The following DAPK1 variants were observed in gnomAD, a reference collection of about 807,000 sequenced individuals.
DAPK1 encodes the protein death associated protein kinase 1.
A neutral mutation model predicts 144.9 loss-of-function variants in DAPK1; 56 were observed. The observed-to-expected ratio is 0.39, with a 90% CI of 0.31 to 0.48. DAPK1 has a LOEUF of 0.48. DAPK1 is among the 20% of genes least tolerant of loss of function. DAPK1 has a pLI of 0.95. For synonymous variants in DAPK1, 690 were observed against 749.0 expected (o/e 0.92, Z 1.29); for missense variants, 1,454 against 1,875.4 (o/e 0.78, Z 4.15).
At chr9:87,500,390 G>A (rs183080056) in intron 2 of DAPK1, among the ~76,000 whole-genome samples, 27 of 152,268 alleles carry the variant, frequency 1.8e-4, no homozygotes, top group Middle Eastern at 3.4e-3. Flanking sequence ...GTTTAAGAGT[G>A]TGTGGGTGAA....
At chr9:87,684,321 C>G (rs1824752216) in intron 20 of DAPK1, among the ~76,000 whole-genome samples, 1 of 151,230 alleles carries the variant, frequency 6.6e-6, no homozygotes, top group Admixed American at 6.6e-5. Flanking sequence ...GGGGGCACTG[C>G]TCGTGCCTGG....
intron 4 of DAPK1, among the ~76,000 whole-genome samples, chr9:87,638,826 C>CAAA (rs1829990321): frequency 6.6e-6 from 1 of 152,218 alleles, no homozygotes; most frequent in Admixed American, 6.5e-5. Context: ...AAACAATGTG[C>CAAA]AAAAGCACAC....
intron 11 of DAPK1, among the ~76,000 whole-genome samples, chr9:87,644,316 G>T (rs1261536936): frequency 6.6e-6 from 1 of 152,110 alleles, no homozygotes; most frequent in Non-Finnish European, 1.5e-5. Context: ...AAACAACGGG[G>T]CTTTGTTAAG....
chr9:87,640,749 A>C (rs1379973087), intron 8 of DAPK1, 53 bp from the exon 9 acceptor site: 1 of 1,576,748 alleles, frequency 6.3e-7, no homozygotes, highest in Non-Finnish European at 8.7e-7. Context: ...AAACAACCTT[A>C]GTATTTGCTG....
At chr9:87,551,748 G>T (rs1826493022) in intron 2 of DAPK1, among the ~76,000 whole-genome samples, 1 of 152,188 alleles carries the variant, frequency 6.6e-6, no homozygotes, top group Non-Finnish European at 1.5e-5. Flanking sequence ...TCAGGGAAGT[G>T]CAGGTCCTGA....
chr9:87,675,848 TACACAC>T (rs763359644), intron 19 of DAPK1, among the ~76,000 whole-genome samples: 7,647 of 117,234 alleles, frequency 0.065, 282 homozygotes, highest in Non-Finnish European at 0.087. Flanking sequence ...CATTCTACCC[TACACAC>T]ACACACACAC....
intron 21 of DAPK1, among the ~76,000 whole-genome samples, chr9:87,695,080 G>A (rs1039953710): frequency 2.0e-5 from 3 of 152,116 alleles, no homozygotes; most frequent in Non-Finnish European, 2.9e-5. Context: ...AGAGCTGGCT[G>A]TGGCAGCACA....
chr9:87,679,183 T>C (rs1824511856), intron 19 of DAPK1, among the ~76,000 whole-genome samples: 1 of 152,032 alleles, frequency 6.6e-6, no homozygotes, highest in East Asian at 1.9e-4. Context: ...GGGAATTCCG[T>C]CTGTCCCCGC....
At chr9:87,576,403 G>T (rs1364749628) in intron 2 of DAPK1, among the ~76,000 whole-genome samples, 1 of 152,208 alleles carries the variant, frequency 6.6e-6, no homozygotes, top group East Asian at 1.9e-4. Context: ...GCGCGTGTTT[G>T]CTTCTGGGGA....
chr9:87,579,796 C>T (rs769511139), intron 2 of DAPK1, among the ~76,000 whole-genome samples: 2 of 151,996 alleles, frequency 1.3e-5, no homozygotes, highest in Non-Finnish European at 1.5e-5. Flanking sequence ...ATGTTTTGTC[C>T]CATTCATCCA....
At chr9:87,542,181 T>C (rs1826080631) in intron 2 of DAPK1, among the ~76,000 whole-genome samples, 1 of 152,232 alleles carries the variant, frequency 6.6e-6, no homozygotes, top group Admixed American at 6.5e-5. Context: ...AATCCCAGAT[T>C]AGCAGTGAAA....
At chr9:87,600,355 G>C (rs567702274) in intron 2 of DAPK1, among the ~76,000 whole-genome samples, 3 of 152,350 alleles carry the variant, frequency 2.0e-5, no homozygotes, top group Admixed American at 2.0e-4. Flanking sequence ...GGTGGCCGAG[G>C]TGGGAGGACT....
In DAPK1 at chr9:87,697,047, T is replaced by C. The variant is rs1370235982; in HGVS notation, c.2454T>C (p.Pro818=). ...GCGTGTGGGAGTTCTCTGGAAATCC[T>C]GTGTATTTCTGCTGTTATGACTATT... ...DFSVWEFSGN[P]VYFCCYDYFA... Residue 818 remains proline, a synonymous_variant, in exon 22 of 26, where the codon CCT becomes CCC. Transcript: ENST00000408954. 7 of 1,594,634 alleles carry C rather than the reference T, an allele frequency of 4.4e-6. No homozygotes were observed. Among genetic ancestry groups the C allele is most frequent in the Non-Finnish European group, 5.2e-6 (6 of 1,162,202 alleles).
intron 18 of DAPK1, among the ~76,000 whole-genome samples, chr9:87,658,666 C>T (rs1830719640): frequency 6.6e-6 from 1 of 152,210 alleles, no homozygotes; most frequent in Admixed American, 6.5e-5. Context: ...GCTCCCGATG[C>T]CAGACCTAGC....
At chr9:87,571,034 A>G (rs1827311217) in intron 2 of DAPK1, among the ~76,000 whole-genome samples, 1 of 152,192 alleles carries the variant, frequency 6.6e-6, no homozygotes, top group South Asian at 2.1e-4. Context: ...TTGCTCTTGA[A>G]AGTTTAGCAC....
intron 2 of DAPK1, among the ~76,000 whole-genome samples, chr9:87,548,384 A>G (rs919107401): frequency 6.6e-6 from 1 of 152,210 alleles, no homozygotes; most frequent in African/African-American, 2.4e-5. Context: ...AATGGGAATG[A>G]TGATTCTCTC....
intron 2 of DAPK1, among the ~76,000 whole-genome samples, chr9:87,505,088 C>G (rs911028127): frequency 1.3e-4 from 20 of 152,142 alleles, no homozygotes; most frequent in African/African-American, 4.6e-4. Flanking sequence ...CAGACCACTT[C>G]TTTCCAGATG....
intron 3 of DAPK1, among the ~76,000 whole-genome samples, chr9:87,635,517 G>A (rs1354725043): frequency 9.2e-5 from 14 of 152,138 alleles, no homozygotes; most frequent in Admixed American, 9.2e-4. Flanking sequence ...AAGCACAGTG[G>A]TTAGGCTCAA....
In DAPK1 at chr9:87,571,506, C is replaced by CACACACCCCA. The variant is rs1564001074; in HGVS notation, c.63-33442_63-33441insCCCAACACAC. On this transcript the variant is annotated intron_variant, in intron 2 of 25. Transcript: ENST00000408954. Reference sequence around the variant, plus strand: ...ACACACACACACACCCCAACACACACACACACACACACACACACACACCAG... The same window carrying CACACACCCCA: ...ACACACACACACACCCCAACACACACACACACCCCAACACACACACACACACACACACCAG... 1.2e-4 allele frequency among the ~76,000 whole-genome samples: 18 copies of CACACACCCCA among 145,542 alleles called. 1 individual carries two copies. The highest frequency in any genetic ancestry group is 4.6e-4 in the African/African-American group (18 of 38,942).
Sources: allele counts gnomAD v4.1 joint callset (sites outside exome capture counted in the v4.1 genomes callset), GRCh38; gene constraint gnomAD v4.1.1; transcripts MANE v1.5; gene names NCBI Gene and HGNC (gene_info 2026-07-23, HGNC 2026-07-21).